The following CDK17 variants were observed in gnomAD, a reference collection of about 807,000 sequenced individuals.
CDK17 encodes cyclin dependent kinase 17.
In CDK17, 24 loss-of-function variants were observed where a neutral mutation model predicts 77.6. That is an observed-to-expected ratio of 0.31 (90% confidence interval 0.22 to 0.44). The LOEUF is 0.44. Ranked by LOEUF, CDK17 falls within the 20% of genes least tolerant of loss-of-function variation. The pLI is 1.00. For synonymous variants in CDK17, 203 were observed against 210.4 expected (o/e 0.96, Z 0.30); for missense variants, 429 against 622.5 (o/e 0.69, Z 3.31).
intron 3 of CDK17, among the ~76,000 whole-genome samples, chr12:96,320,937 C>G (rs1365553872): frequency 1.1e-4 from 2 of 18,042 alleles, no homozygotes; most frequent in Admixed American, 5.4e-4. Context: ...GCAATGGCAA[C>G]AAAAGCCAAA....
intron 9 of CDK17, among the ~76,000 whole-genome samples, chr12:96,296,168 T>C (rs1429481617): frequency 6.6e-6 from 1 of 152,248 alleles, no homozygotes; most frequent in Non-Finnish European, 1.5e-5. Context: ...CAACTTAAGC[T>C]AATCATGTAA....
chr12:96,342,601 A>C lies in CDK17; in HGVS notation c.-29-7736T>G, dbSNP rs565276500. 2.6e-5 allele frequency among the ~76,000 whole-genome samples: 4 copies of C among 152,292 alleles called. 1 individual carries two copies. The highest frequency in any genetic ancestry group is 9.6e-5 in the African/African-American group (4 of 41,546). ...ACAAACAAAACCATGAAGTGATTGTACAAAACACTGACAGAGCACTGAATT... is the reference window on the plus strand; with the variant it reads ...ACAAACAAAACCATGAAGTGATTGTCCAAAACACTGACAGAGCACTGAATT... On this transcript the variant is annotated intron_variant, in intron 1 of 16. Transcript: ENST00000261211.
chr12:96,307,412 C>T (rs1952589997), intron 5 of CDK17, among the ~76,000 whole-genome samples: 1 of 152,088 alleles, frequency 6.6e-6, no homozygotes, highest in African/African-American at 2.4e-5. Context: ...TAAAAGATAG[C>T]TCCTAAATGA....
chr12:96,370,008 G>A (rs1953665241), intron 1 of CDK17, among the ~76,000 whole-genome samples: 1 of 152,122 alleles, frequency 6.6e-6, no homozygotes, highest in African/African-American at 2.4e-5. Flanking sequence ...GAAGGAACTG[G>A]CTCTAAGAAG....
chr12:96,352,393 A>AG (rs372302341), intron 1 of CDK17, among the ~76,000 whole-genome samples: 39 of 145,568 alleles, frequency 2.7e-4, no homozygotes, highest in African/African-American at 1.3e-4. Context: ...AGAGAGAGAG[A>AG]AAAAAAAAAA....
intron 1 of CDK17, among the ~76,000 whole-genome samples, chr12:96,352,278 C>A (rs542656365): frequency 3.9e-4 from 60 of 152,118 alleles, no homozygotes; most frequent in African/African-American, 1.3e-3. Context: ...CTGAGAGAAA[C>A]CCCTGTTCAA....
At chr12:96,378,901 G>A (rs1592765527) in intron 1 of CDK17, among the ~76,000 whole-genome samples, 2 of 152,166 alleles carry the variant, frequency 1.3e-5, no homozygotes, top group East Asian at 1.9e-4. Flanking sequence ...AAGTGTGGAA[G>A]GAAAATAAAG....
At chr12:96,323,290 AC>A (rs1363259411) in intron 3 of CDK17, among the ~76,000 whole-genome samples, 42 of 101,142 alleles carry the variant, frequency 4.2e-4, no homozygotes, top group South Asian at 1.1e-3. Flanking sequence ...AAAAACAAAA[AC>A]AAACAAACAA....
chr12:96,283,447 GTT>G (rs11345627), intron 14 of CDK17, among the ~76,000 whole-genome samples, 154 bp downstream of exon 14: 86,438 of 145,938 alleles, frequency 0.59, 25,263 homozygotes, highest in East Asian at 0.81. Context: ...GAGAAACCAT[GTT>G]TTTTTTTTTT....
At chr12:96,398,243 A>T (rs1156969080) in intron 1 of CDK17, among the ~76,000 whole-genome samples, 3 of 152,202 alleles carry the variant, frequency 2.0e-5, no homozygotes, top group Non-Finnish European at 4.4e-5. Flanking sequence ...CTCATAACAT[A>T]AAAAAGAATT....
Position 96,280,167 on chromosome 12 carries a change from A to T in CDK17, c.*75T>A, listed in dbSNP as rs1952156999. ...CGGAGATTCCAAGTCCACCAAAAGAAATAATTGCCTTCAGTTCTGAGTCCT... is the reference window on the plus strand; with the variant it reads ...CGGAGATTCCAAGTCCACCAAAAGATATAATTGCCTTCAGTTCTGAGTCCT... On this transcript the variant is annotated 3_prime_UTR_variant, in exon 17 of 17. Transcript: ENST00000261211. 6.9e-7 allele frequency: 1 copy of T among 1,452,492 alleles called. No individual in the cohort carries two copies. The highest frequency in any genetic ancestry group is 9.3e-7 in the Non-Finnish European group (1 of 1,073,834). 90.0% of individuals were successfully genotyped at this position (1,452,492 alleles called of 1,614,324 possible).
intron 2 of CDK17, among the ~76,000 whole-genome samples, chr12:96,329,688 G>A (rs538731762): frequency 1.4e-4 from 21 of 152,234 alleles, no homozygotes; most frequent in African/African-American, 5.1e-4. Flanking sequence ...AACTCCCTAT[G>A]TTATCCACTG....
chr12:96,280,946 A>G (rs1952171785), intron 15 of CDK17, 61 bp from the exon 16 acceptor site: 5 of 1,300,170 alleles, frequency 3.8e-6, no homozygotes. Context: ...ACACAACCCT[A>G]CTATCAACAA....
At chr12:96,341,676 CA>C (rs756389857) in intron 1 of CDK17, among the ~76,000 whole-genome samples, 60 of 152,130 alleles carry the variant, frequency 3.9e-4, no homozygotes, top group Non-Finnish European at 6.9e-4. Context: ...TCTAGAATGC[CA>C]ACTCAGTTTG....
intron 6 of CDK17, among the ~76,000 whole-genome samples, chr12:96,299,484 G>A (rs989005535): frequency 2.7e-5 from 4 of 149,220 alleles, no homozygotes; most frequent in Admixed American, 6.7e-5. Context: ...TCCACCTTCC[G>A]GTTCCAAGCG....
At chr12:96,330,945 G>GTGTT (rs1009442599) in intron 2 of CDK17, among the ~76,000 whole-genome samples, 1 of 152,038 alleles carries the variant, frequency 6.6e-6, no homozygotes, top group South Asian at 2.1e-4. Flanking sequence ...TTTGACAGGT[G>GTGTT]TGTTTGTTTG....
At chr12:96,316,393 T>C (rs1341918136) in intron 3 of CDK17, among the ~76,000 whole-genome samples, 4 of 149,016 alleles carry the variant, frequency 2.7e-5, no homozygotes, top group African/African-American at 1.0e-4. Flanking sequence ...GCGCCCGCCA[T>C]TGCCCAGGCT....
At chr12:96,371,553 G>A (rs1953693111) in intron 1 of CDK17, among the ~76,000 whole-genome samples, 1 of 152,138 alleles carries the variant, frequency 6.6e-6, no homozygotes, top group African/African-American at 2.4e-5. Context: ...AACACTTTGG[G>A]AGGCTGAGGT....
At chr12:96,328,391 TC>T (rs1952918403) in intron 2 of CDK17, among the ~76,000 whole-genome samples, 2 of 151,990 alleles carry the variant, frequency 1.3e-5, no homozygotes, top group Admixed American at 1.3e-4. Context: ...CTGAAACCAT[TC>T]CCCCAACCTC....
Sources: allele counts gnomAD v4.1 joint callset (sites outside exome capture counted in the v4.1 genomes callset), GRCh38; gene constraint gnomAD v4.1.1; transcripts MANE v1.5; gene names NCBI Gene and HGNC (gene_info 2026-07-23, HGNC 2026-07-21).